The following SCN1A variants were observed in gnomAD, a reference collection of about 807,000 sequenced individuals.
SCN1A encodes the protein sodium channel protein type 1 subunit alpha.
Under a neutral mutation model 193.7 loss-of-function variants are expected in SCN1A, and 13 were observed. The ratio of observed to expected loss-of-function variants is 0.07; its 90% CI spans 0.04 to 0.11. The LOEUF (loss-of-function observed/expected upper bound fraction) is 0.11, where lower values mean the gene tolerates loss of function less well. SCN1A is among the 10% of genes least tolerant of loss of function. The pLI is 1.00. For synonymous variants in SCN1A, 781 were observed against 843.6 expected (o/e 0.93, Z 1.29); for missense variants, 1,432 against 2,451.1 (o/e 0.58, Z 8.78).
chr2:166,021,973 C>A (rs1344484828), intron 19 of SCN1A, among the ~76,000 whole-genome samples: 1 of 152,116 alleles, frequency 6.6e-6, no homozygotes, highest in Non-Finnish European at 1.5e-5. Context: ...TCCCTATAGT[C>A]CCAGCTACTT....
intron 2 of SCN1A, chr2:166,081,445 T>G (rs753822874): frequency 6.6e-6 from 1 of 151,922 alleles, no homozygotes; most frequent in African/African-American, 2.4e-5. Context: ...GCCTCTGTGG[T>G]TAGATCTGTT....
upstream of SCN1A, among the ~76,000 whole-genome samples, chr2:166,128,822 A>G (rs1691508162): frequency 6.6e-6 from 1 of 152,202 alleles, no homozygotes; most frequent in African/African-American, 2.4e-5. Context: ...TATAAAAACC[A>G]TGAATATCAG....
intron 27 of SCN1A, 31 bp downstream of exon 27, chr2:165,995,981 AT>A: frequency 2.1e-6 from 3 of 1,405,352 alleles, no homozygotes; most frequent in Non-Finnish European, 3.0e-6. Flanking sequence ...TTGTTTTTGT[AT>A]TTTTCCCCCA....
At chr2:166,019,695 A>G (rs1205321817) in intron 19 of SCN1A, among the ~76,000 whole-genome samples, 1 of 152,122 alleles carries the variant, frequency 6.6e-6, no homozygotes, top group Non-Finnish European at 1.5e-5. Flanking sequence ...GGCCATCCTC[A>G]TTCTAGCCTC....
At chr2:166,137,029 A>C (rs2106295403) in intron 1 of SCN1A, among the ~76,000 whole-genome samples, 1 of 152,196 alleles carries the variant, frequency 6.6e-6, no homozygotes, top group South Asian at 2.1e-4. Flanking sequence ...TCTAACCTAC[A>C]TTTTAATACT....
chr2:166,019,188 G>T (rs1047040461), intron 19 of SCN1A, among the ~76,000 whole-genome samples: 1 of 151,938 alleles, frequency 6.6e-6, no homozygotes, highest in African/African-American at 2.4e-5. Flanking sequence ...CATAGAGCTT[G>T]GAGTCACTCC....
intron 12 of SCN1A, 26 bp from the exon 13 acceptor site, chr2:166,045,353 C>T (rs749177334): frequency 6.2e-7 from 1 of 1,612,466 alleles, no homozygotes; most frequent in Admixed American, 1.7e-5. Context: ...ATGATTTTAA[C>T]ATAGCACCTG....
At position 166,053,086 on chromosome 2, in the gene SCN1A, C is replaced by T. The variant is rs536769632; in HGVS notation, c.603-143G>A. The T allele has an allele frequency of 4.3e-5, 59 of 1,370,736 alleles. 1 individual carries two copies. The African/African-American group carries it at 5.6e-4, about 13-fold the overall frequency. The allele number at this position is 1,370,736 out of a possible 1,614,324, so 84.9% of individuals were successfully genotyped here. On this transcript the variant is annotated intron_variant, in intron 7 of 28. Transcript: ENST00000674923. The stretch of plus-strand genomic sequence containing the variant: ...CAAAGCTCTCAAGACTCTGAAAGTG[C>T]GAAGAGCTGAAAAATTGCCTAGGTT...
At chr2:166,079,706 A>G (rs1481099000) in intron 2 of SCN1A, among the ~76,000 whole-genome samples, 1 of 151,126 alleles carries the variant, frequency 6.6e-6, no homozygotes, top group African/African-American at 2.4e-5. Flanking sequence ...CCTGGTCACT[A>G]GCTATCATTT....
chr2:166,076,300 A>G (rs1204464220), intron 3 of SCN1A, among the ~76,000 whole-genome samples: 2 of 151,756 alleles, frequency 1.3e-5, no homozygotes, highest in East Asian at 1.9e-4. Context: ...TCCCTCTTGT[A>G]TTTTTAGTAT....
At chr2:166,105,825 T>G (rs914174414) in intron 2 of SCN1A, among the ~76,000 whole-genome samples, 5 of 152,282 alleles carry the variant, frequency 3.3e-5, no homozygotes, top group Non-Finnish European at 7.4e-5. Context: ...CTGAAGCATT[T>G]GAAAATCAGT....
intron 19 of SCN1A, among the ~76,000 whole-genome samples, chr2:166,019,893 T>A (rs1291183808): frequency 6.6e-6 from 1 of 151,194 alleles, no homozygotes; most frequent in Non-Finnish European, 1.5e-5. Context: ...AGAAGCTGTA[T>A]GTTAATCAAG....
chr2:166,047,882 A>T, intron 10 of SCN1A, 114 bp from the exon 11 acceptor site: 1 of 1,396,790 alleles, frequency 7.2e-7, no homozygotes, highest in Admixed American at 1.7e-5. Context: ...TAAAAGTTTG[A>T]CAAATAAGTA....
In SCN1A at chr2:165,986,767, C is replaced by T. The variant is rs1688640557; in HGVS notation, c.*4478G>A. 1 of 150,434 alleles carries T rather than the reference C, an allele frequency of 6.6e-6. No individual in the cohort carries two copies. The highest frequency in any genetic ancestry group is 1.5e-5 in the Non-Finnish European group (1 of 67,654). 9.3% of individuals were successfully genotyped at this position (150,434 alleles called of 1,614,324 possible). ...CTATACTTTTATCTATGTCTGTTTA[C>T]ATACATACATATATATATAAATGTA... is the stretch of plus-strand genomic sequence containing the variant. On this transcript the variant is annotated 3_prime_UTR_variant, in exon 29 of 29. Transcript: ENST00000674923.
At chr2:166,147,698 C>T (rs186718722) in intron 1 of SCN1A, among the ~76,000 whole-genome samples, 388 of 152,064 alleles carry the variant, frequency 2.6e-3, no homozygotes, top group Middle Eastern at 6.8e-3. Flanking sequence ...AATCAGGCCC[C>T]GAGGGACCAT....
intron 26 of SCN1A, chr2:165,996,320 T>G: frequency 2.5e-6 from 1 of 407,346 alleles, no homozygotes; most frequent in Non-Finnish European, 4.5e-6. Context: ...AAAATTGACT[T>G]TATTATTATT....
intron 9 of SCN1A, among the ~76,000 whole-genome samples, chr2:166,049,563 C>G (rs1469002041): frequency 6.6e-6 from 1 of 151,900 alleles, no homozygotes; most frequent in African/African-American, 2.4e-5. Context: ...AATACTAAAG[C>G]TAAAATAATG....
chr2:166,102,274 A>T (rs1304084375), intron 2 of SCN1A, among the ~76,000 whole-genome samples: 1 of 152,084 alleles, frequency 6.6e-6, no homozygotes, highest in Non-Finnish European at 1.5e-5. Context: ...AGGCGGGCGG[A>T]TCACGAGGTC....
chr2:166,110,448 GAT>G (rs1689171969), intron 2 of SCN1A, among the ~76,000 whole-genome samples: 1 of 152,164 alleles, frequency 6.6e-6, no homozygotes, highest in African/African-American at 2.4e-5. Flanking sequence ...CTTTATTGCT[GAT>G]ATGAAGAAAG....
Sources: allele counts gnomAD v4.1 joint callset (sites outside exome capture counted in the v4.1 genomes callset), GRCh38; gene constraint gnomAD v4.1.1; transcripts MANE v1.5; gene names NCBI Gene and HGNC (gene_info 2026-07-23, HGNC 2026-07-21).